Variants in NTHL1 observed in about 807,000 individuals in gnomAD.
NTHL1 encodes nth like DNA glycosylase 1, also known as endonuclease III-like protein 1.
Under a neutral mutation model 32.3 loss-of-function variants are expected in NTHL1, and 32 were observed. That is an observed-to-expected ratio of 0.99 (90% confidence interval 0.75 to 1.33). The LOEUF is 1.33. NTHL1 is among the 40% of genes most tolerant of loss of function. NTHL1 has a pLI of 0.00. For synonymous variants in NTHL1, 188 were observed against 176.9 expected, an observed-to-expected ratio of 1.06 and a Z score of -0.50; for missense variants, 501 against 414.1, an observed-to-expected ratio of 1.21 and a Z score of -1.82.
Position 2,044,442 on chromosome 16 carries a change from A to T in NTHL1, c.525+188T>A, listed in dbSNP as rs2084312537. On this transcript the variant is annotated intron_variant, in intron 3 of 5. Coordinates refer to ENST00000651570, the MANE Select transcript of NTHL1 (RefSeq NM_002528.7). The surrounding 1 kb of genome is among the most constrained non-coding windows in gnomAD (Gnocchi z 5.0). ...GAAGGAAGGGAGGATGCGAACAGGA[A>T]GGCCAAGGAGCTGCTGGGACTGGGC... Among the ~76,000 whole-genome samples, 1 of 152,150 alleles carries T rather than the reference A, an allele frequency of 6.6e-6. No individual in the cohort carries two copies. The highest frequency in any genetic ancestry group is 6.5e-5 in the Admixed American group (1 of 15,284).
At position 2,046,272 on chromosome 16, in the gene NTHL1, C is replaced by G. The variant is rs1294880190; in HGVS notation, c.210G>C (p.Gly70=). The G allele has an allele frequency of 6.2e-7, 1 of 1,613,192 alleles. No homozygotes were observed. Among genetic ancestry groups the G allele is most frequent in the Admixed American group, 1.7e-5 (1 of 59,996 alleles). The part of the protein sequence containing the change: ...YEGSDSEKGE[G]AEPLKVPVWE... The stretch of plus-strand genomic sequence containing the variant: ...AGACTGGCACCTTGAGGGGCTCAGC[C>G]CCCTCACCTTTCTCACTGTCCGAGC... The change falls in exon 2 of 6, where the codon GGG becomes GGC. Residue 70 remains glycine (G), a synonymous_variant. Transcript: ENST00000651570.
At position 2,039,885 on chromosome 16, in the gene NTHL1, G is replaced by T. The variant is rs548942186; in HGVS notation, c.*39C>A. 1 of 1,597,746 alleles carries T rather than the reference G, an allele frequency of 6.3e-7. No homozygotes were observed. The highest frequency in any genetic ancestry group is 8.5e-7 in the Non-Finnish European group (1 of 1,179,486). ...TGAAGCGTAAAGCCACTTCACAGAC[G>T]GTGGCCACAGCGGCACCTCGGCCAG... On this transcript the variant is annotated 3_prime_UTR_variant, in exon 6 of 6. Transcript: ENST00000651570.
Position 2,043,558 on chromosome 16 carries a change from T to G in NTHL1, c.685+9A>C. The G allele has an allele frequency of 6.2e-7, 1 of 1,605,184 alleles. No homozygotes were observed. The highest frequency in any genetic ancestry group is 1.1e-5 in the South Asian group (1 of 91,046). ...TGGGCTGGAGCCAGCCCCGCCCTCC[T>G]CTACTCACCAATGCCTGACACAGTG... On this transcript the variant is annotated intron_variant, in intron 4 of 5. Transcript: ENST00000651570. The surrounding 1 kb of genome is among the most constrained non-coding windows in gnomAD (Gnocchi z 4.4).
At position 2,040,121 on chromosome 16, in the gene NTHL1, A is replaced by G. The variant is rs1420065748; in HGVS notation, c.791+12T>C. ...AGCTCTTCTCCCTAGGAAGCCCCCC[A>G]CATACTCATACCTAGGCAGCCACTC... On this transcript the variant is annotated intron_variant, in intron 5 of 5. Coordinates refer to ENST00000651570, the MANE Select transcript of NTHL1 (RefSeq NM_002528.7). The G allele has an allele frequency of 9.3e-6, 15 of 1,613,114 alleles. No homozygotes were observed. Among genetic ancestry groups the G allele is most frequent in the Non-Finnish European group, 1.1e-5 (13 of 1,179,912 alleles).
Position 2,039,996 on chromosome 16 carries a change from G to A in NTHL1, c.843C>T (p.Thr281=). The change falls in exon 6 of 6, where the codon ACC becomes ACT. Residue 281 remains threonine, a synonymous_variant. Transcript: ENST00000651570. ...GGCAGCGAGGGTGCACAGGCAGACA[G>A]GTCTGCTGGCCGAAGCCCACCAAGA... The part of the protein sequence containing the change: ...NGLLVGFGQQ[T]CLPVHPRCHA... The A allele has an allele frequency of 6.2e-7, 1 of 1,611,080 alleles. No homozygotes were observed. The highest frequency in any genetic ancestry group is 1.3e-5 in the African/African-American group (1 of 75,044).
chr16:2,046,446 A>T, intron 1 of NTHL1, 80 bp from the exon 2 acceptor site: 1 of 1,294,082 alleles, frequency 7.7e-7, no homozygotes, highest in Non-Finnish European at 1.1e-6. Context: ...CTGCTAGCTC[A>T]CCCCTCACTC....
intron 1 of NTHL1, chr16:2,047,426 T>C: frequency 2.0e-6 from 1 of 511,284 alleles, no homozygotes; most frequent in East Asian, 3.8e-5. Context: ...CCACAGAGCC[T>C]GGAGTGGAGA....
At position 2,046,292 on chromosome 16, in the gene NTHL1, C is replaced by T; in HGVS notation, c.190G>A (p.Asp64Asn). 1.2e-6 allele frequency: 2 copies of T among 1,613,230 alleles called. No homozygotes were observed. Among genetic ancestry groups the T allele is most frequent in the Non-Finnish European group, 1.7e-6 (2 of 1,179,986 alleles). ...TCAGCCCCCTCACCTTTCTCACTGT[C>T]CGAGCCCTCATAGGCCACACGCAGT... is the stretch of plus-strand genomic sequence containing the variant. Reference protein sequence around the residue: ...QRLRVAYEGSDSEKGEGAEPL... With the variant: ...QRLRVAYEGSNSEKGEGAEPL... Residue 64 changes from aspartate to asparagine, a missense_variant, in exon 2 of 6, where the codon GAC becomes AAC. Transcript: ENST00000651570.
chr16:2,043,783 G>T lies in NTHL1; in HGVS notation c.526-57C>A. ...GCAAGGGCACAGCCCAACCTGGGAG[G>T]ATGCAGCCCCCAGGAGACCCACAGG... On this transcript the variant is annotated intron_variant, in intron 3 of 5. Transcript: ENST00000651570. The surrounding 1 kb of genome is among the most constrained non-coding windows in gnomAD (Gnocchi z 4.4). 1 of 1,597,670 alleles carries T rather than the reference G, an allele frequency of 6.3e-7. No individual in the cohort carries two copies. Among genetic ancestry groups the T allele is most frequent in the African/African-American group, 1.3e-5 (1 of 74,880 alleles).
chr16:2,047,270 A>C, intron 1 of NTHL1: 1 of 205,870 alleles, frequency 4.9e-6, no homozygotes, highest in Non-Finnish European at 1.0e-5. Context: ...GCTGCAGGAT[A>C]AATATAATAA....
At position 2,046,489 on chromosome 16, in the gene NTHL1, C is replaced by T. The variant is rs183918960; in HGVS notation, c.116-123G>A. 1.5e-4 allele frequency: 133 copies of T among 881,152 alleles called. No homozygotes were observed. In the Middle Eastern group the frequency reaches 1.7e-3, roughly 11 times the overall value. The allele number at this position is 881,152 out of a possible 1,614,324, so 54.6% of individuals were successfully genotyped here. On this transcript the variant is annotated intron_variant, in intron 1 of 5. Transcript: ENST00000651570. ...CCACAACTGTCCATCATCTAATACACTTGGGGTGCTCTGCCCTCTGCAGTC... is the reference window on the plus strand; with the variant it reads ...CCACAACTGTCCATCATCTAATACATTTGGGGTGCTCTGCCCTCTGCAGTC...
intron 1 of NTHL1, 138 bp from the exon 2 acceptor site, chr16:2,046,504 C>T (rs2084401355): frequency 3.9e-6 from 3 of 771,332 alleles, no homozygotes; most frequent in South Asian, 1.8e-5. Context: ...GGTGCTCTGC[C>T]CTCTGCAGTC....
chr16:2,040,556 G>T (rs553540064), intron 4 of NTHL1: 5 of 482,004 alleles, frequency 1.0e-5, no homozygotes, highest in South Asian at 1.0e-4. Flanking sequence ...TTTGGGCAGG[G>T]CCTGGGGGTG....
intron 4 of NTHL1, among the ~76,000 whole-genome samples, chr16:2,042,325 G>A (rs2084277936): frequency 6.6e-6 from 1 of 152,230 alleles, no homozygotes; most frequent in Non-Finnish European, 1.5e-5. Flanking sequence ...TCCACTGAGA[G>A]GCTGGCAGGT....
At chr16:2,042,487 C>T (rs2084281116) in intron 4 of NTHL1, among the ~76,000 whole-genome samples, 1 of 152,166 alleles carries the variant, frequency 6.6e-6, no homozygotes, top group Admixed American at 6.5e-5. Flanking sequence ...TCTTGCCCAC[C>T]AGAAAGTGCT....
In NTHL1 at chr16:2,044,856, C is replaced by T. The variant is rs1596220647; in HGVS notation, c.355-56G>A. The T allele has an allele frequency of 6.6e-7, 1 of 1,509,840 alleles. No individual in the cohort carries two copies. Among genetic ancestry groups the T allele is most frequent in the East Asian group, 2.5e-5 (1 of 40,706 alleles). 93.5% of individuals were successfully genotyped at this position (1,509,840 alleles called of 1,614,324 possible). On this transcript the variant is annotated intron_variant, in intron 2 of 5. Transcript: ENST00000651570. The surrounding 1 kb of genome is among the most constrained non-coding windows in gnomAD (Gnocchi z 5.0). ...CGGCGGGTCCTGGGTGATTCCCTGG[C>T]CAGGCTCCGCCCCCCGCCCTCGACA... is the stretch of plus-strand genomic sequence containing the variant.
rs1245963500 is a variant in NTHL1, at chr16:2,044,804, C to G, written c.355-4G>C. ...GCAGCACCTGGTACCTGCGTACCTG[C>G]TTGTGCAGTGACAGGGACCGGGGTG... On this transcript the variant is annotated splice_polypyrimidine_tract_variant and splice_region_variant and intron_variant, in intron 2 of 5. Transcript: ENST00000651570. The surrounding 1 kb of genome is among the most constrained non-coding windows in gnomAD (Gnocchi z 5.0). The G allele has an allele frequency of 4.4e-6, 7 of 1,598,638 alleles. No individual in the cohort carries two copies. The highest frequency in any genetic ancestry group is 6.0e-6 in the Non-Finnish European group (7 of 1,171,534).
In NTHL1 at chr16:2,044,736, G is replaced by A. The variant is rs750992242; in HGVS notation, c.419C>T (p.Ala140Val). 1.7e-5 allele frequency: 28 copies of A among 1,612,140 alleles called. No individual in the cohort carries two copies. The highest frequency in any genetic ancestry group is 2.2e-5 in the East Asian group (1 of 44,870). ...LSSQTKDQVTAGAMQRLRARG... is the reference protein window; with the variant it reads ...LSSQTKDQVTVGAMQRLRARG... ...CGCCCGCAGTCGCTGCATGGCGCCC[G>A]CCGTCACCTGGTCTTTGGTTTGGCT... The change falls in exon 3 of 6, where the codon GCG becomes GTG. Residue 140 changes from alanine to valine, a missense_variant. Physicochemically the swap from Ala to Val is moderately conservative, Grantham distance 64. Transcript: ENST00000651570. The surrounding 1 kb of genome is among the most constrained non-coding windows in gnomAD (Gnocchi z 5.0).
chr16:2,044,461 A>C lies in NTHL1; in HGVS notation c.525+169T>G, dbSNP rs1242585680. Among the ~76,000 whole-genome samples the C allele has an allele frequency of 1.3e-5, 2 of 152,090 alleles. No individual in the cohort carries two copies. The highest frequency in any genetic ancestry group is 2.9e-5 in the Non-Finnish European group (2 of 67,980). ...ACAGGAAGGCCAAGGAGCTGCTGGG[A>C]CTGGGCGTCAGGCCTCAGGGCCCCA... On this transcript the variant is annotated intron_variant, in intron 3 of 5. Transcript: ENST00000651570. This position sits in a 1 kb window ranked among gnomAD's most constrained non-coding sequence, Gnocchi z 5.0.
Sources: gnomAD v4.1 joint callset for allele counts (sites outside exome capture counted in the v4.1 genomes callset) on GRCh38, gnomAD v4.1.1 for gene constraint, Gnocchi (gnomAD v3.1) non-coding constraint, MANE v1.5 for transcripts, NCBI Gene and HGNC (gene_info 2026-07-23, HGNC 2026-07-21) for gene names.